Variants in SAMD12 observed in about 807,000 individuals in gnomAD.
SAMD12 encodes sterile alpha motif domain-containing protein 12.
SAMD12 carries 9 observed loss-of-function variants against 15.0 expected under a neutral mutation model. The observed-to-expected ratio is 0.60, with a 90% confidence interval of 0.36 to 1.05. SAMD12 has a LOEUF of 1.05. SAMD12 is among the 50% of genes least tolerant of loss of function. The pLI is 0.01. For missense variants in SAMD12, 230 were observed against 234.2 expected, an observed-to-expected ratio of 0.98 and a Z score of 0.12; for synonymous variants, 86 against 90.1, an observed-to-expected ratio of 0.96 and a Z score of 0.25.
chr8:118,486,844 G>A (rs1202601384), intron 2 of SAMD12, among the ~76,000 whole-genome samples: 3 of 152,200 alleles, frequency 2.0e-5, no homozygotes, highest in Non-Finnish European at 4.4e-5. Context: ...ATCTAGGCCC[G>A]AAGAGCAAGG....
chr8:118,486,272 C>T (rs536938642), intron 2 of SAMD12, among the ~76,000 whole-genome samples: 40 of 151,986 alleles, frequency 2.6e-4, no homozygotes, highest in South Asian at 6.2e-4. Context: ...AAAAATTAGT[C>T]GGGTGTAGTG....
At chr8:118,151,193 G>A in the SAMD12 span, among the ~76,000 whole-genome samples, 131 of 151,696 alleles carry the variant, frequency 8.6e-4, 2 homozygotes, top group Non-Finnish European at 1.6e-4. Flanking sequence ...TTCTCTAGCT[G>A]CTTTAAAAAT....
Position 118,505,424 on chromosome 8 carries a change from C to T in SAMD12, c.193-65463G>A, listed in dbSNP as rs543799264. On this transcript the variant is annotated intron_variant, in intron 2 of 3. Transcript: ENST00000314727. ...TTGCAACTAGCCATATGATTAAGTT[C>T]TGGTCTGAGAGACTGAAGTGAAGTT... Among the ~76,000 whole-genome samples the T allele has an allele frequency of 1.7e-4, 25 of 148,264 alleles. No homozygotes were observed. In the South Asian group the frequency reaches 5.3e-3, roughly 32 times the overall value.
chr8:118,316,791 A>G (rs1468184199), intron 4 of SAMD12, among the ~76,000 whole-genome samples: 1 of 149,008 alleles, frequency 6.7e-6, no homozygotes, highest in Non-Finnish European at 1.5e-5. Flanking sequence ...CGCTCTGTCC[A>G]CCATGCCTGG....
At chr8:118,567,191 G>A (rs1826876581) in intron 2 of SAMD12, among the ~76,000 whole-genome samples, 1 of 152,132 alleles carries the variant, frequency 6.6e-6, no homozygotes, top group South Asian at 2.1e-4. Context: ...CTAAAGCAGA[G>A]AGAGTAAGAA....
intron 4 of SAMD12, among the ~76,000 whole-genome samples, chr8:118,207,277 T>C (rs1819886878): frequency 6.6e-6 from 1 of 152,226 alleles, no homozygotes; most frequent in South Asian, 2.1e-4. Flanking sequence ...ACCACATGAA[T>C]ACAGGATGAT....
chr8:118,592,415 A>G (rs1401534499), intron 1 of SAMD12, among the ~76,000 whole-genome samples: 1 of 152,146 alleles, frequency 6.6e-6, no homozygotes, highest in Non-Finnish European at 1.5e-5. Context: ...ATTGTTTAGT[A>G]GGTAAATAAT....
At chr8:118,553,698 A>C (rs1209452408) in intron 2 of SAMD12, among the ~76,000 whole-genome samples, 1 of 151,512 alleles carries the variant, frequency 6.6e-6, no homozygotes, top group Admixed American at 6.6e-5. Flanking sequence ...TAATTAAACT[A>C]AAGAGCTTCT....
intron 1 of SAMD12, among the ~76,000 whole-genome samples, chr8:118,584,741 C>T (rs1196653780): frequency 6.6e-6 from 1 of 152,022 alleles, no homozygotes; most frequent in Non-Finnish European, 1.5e-5. Context: ...TTTTGAAATG[C>T]CCTTTTGAAG....
chr8:118,494,224 A>AC (rs1824534567), intron 2 of SAMD12, among the ~76,000 whole-genome samples: 1 of 152,080 alleles, frequency 6.6e-6, no homozygotes, highest in African/African-American at 2.4e-5. Context: ...AAAGCAGTCA[A>AC]TTTTTTCTCC....
At chr8:118,185,456 G>T (rs1169268490), downstream of SAMD12, among the ~76,000 whole-genome samples, 2 of 151,992 alleles carry the variant, frequency 1.3e-5, no homozygotes, top group East Asian at 1.9e-4. Flanking sequence ...TCATAGCTTA[G>T]CTCCCACTTA....
intron 2 of SAMD12, among the ~76,000 whole-genome samples, chr8:118,529,248 C>T (rs1825619096): frequency 6.6e-6 from 1 of 152,162 alleles, no homozygotes; most frequent in African/African-American, 2.4e-5. Context: ...AAATTTTATC[C>T]AGAACTTTTA....
At chr8:118,496,259 A>C (rs2515024) in intron 2 of SAMD12, among the ~76,000 whole-genome samples, 79,726 of 151,928 alleles carry the variant, frequency 0.52, 22,129 homozygotes, top group African/African-American at 0.71. Flanking sequence ...GCCTAAGTAG[A>C]TAAAGCAATC....
At chr8:118,549,648 T>C (rs1314086858) in intron 2 of SAMD12, among the ~76,000 whole-genome samples, 2 of 152,222 alleles carry the variant, frequency 1.3e-5, no homozygotes, top group Non-Finnish European at 2.9e-5. Flanking sequence ...AGGAACGCAG[T>C]TCCTCACCAG....
At chr8:118,470,217 C>G (rs1446429432) in intron 2 of SAMD12, among the ~76,000 whole-genome samples, 1 of 150,546 alleles carries the variant, frequency 6.6e-6, no homozygotes, top group Non-Finnish European at 1.5e-5. Flanking sequence ...CACATACACA[C>G]AGTGTGTTGT....
At chr8:118,323,565 G>A (rs1461007241) in intron 4 of SAMD12, among the ~76,000 whole-genome samples, 1 of 151,610 alleles carries the variant, frequency 6.6e-6, no homozygotes, top group African/African-American at 2.4e-5. Context: ...AGTTTGAAAT[G>A]AGCCTGGGCA....
rs140310717 is a variant in SAMD12 at position 118,228,294 on chromosome 8, A to G, written c.434-30562T>C. Among the ~76,000 whole-genome samples, 1,286 of 152,332 alleles carry G rather than the reference A, an allele frequency of 8.4e-3. 19 individuals are homozygous for G. Among genetic ancestry groups the G allele is most frequent in the African/African-American group, 0.029 (1,218 of 41,570 alleles). On this transcript the variant is annotated intron_variant, in intron 4 of 4. Transcript: ENST00000409003. ...AAGATAAATAGCTGGGACCTAGTTA[A>G]ACTAAAGAGCTTTTCCATGGCAAAA...
At chr8:118,234,802 ATAAG>A (rs1052493556) in intron 4 of SAMD12, among the ~76,000 whole-genome samples, 12 of 151,878 alleles carry the variant, frequency 7.9e-5, no homozygotes, top group East Asian at 1.9e-4. Flanking sequence ...TTTTTTAGAG[ATAAG>A]TAAGTCATAA....
At chr8:118,304,068 G>C (rs1815183625) in intron 4 of SAMD12, among the ~76,000 whole-genome samples, 1 of 152,090 alleles carries the variant, frequency 6.6e-6, no homozygotes. Context: ...TCCTTCAAAG[G>C]ATGCCTTGTG....
Sources: allele counts gnomAD v4.1 joint callset (sites outside exome capture counted in the v4.1 genomes callset), GRCh38; gene constraint gnomAD v4.1.1; transcripts MANE v1.5; gene names NCBI Gene and HGNC (gene_info 2026-07-23, HGNC 2026-07-21).